The following TTLL5 variants were observed in gnomAD, a reference collection of about 807,000 sequenced individuals.
TTLL5 encodes tubulin polyglutamylase TTLL5.
In TTLL5, 132 loss-of-function variants were observed where a neutral mutation model predicts 168.4. The observed-to-expected ratio is 0.78, with a 90% CI of 0.68 to 0.91. TTLL5 has a LOEUF of 0.91. Ranked by LOEUF, TTLL5 falls within the 40% of genes least tolerant of loss-of-function variation. The pLI is 0.00. For synonymous variants in TTLL5, 546 were observed against 558.6 expected (o/e 0.98, Z 0.32); for missense variants, 1,545 against 1,581.5 (o/e 0.98, Z 0.39).
intron 31 of TTLL5, among the ~76,000 whole-genome samples, chr14:75,945,418 G>T (rs146600377): frequency 6.6e-6 from 1 of 151,236 alleles, no homozygotes; most frequent in African/African-American, 2.4e-5. Flanking sequence ...CACCATGCTC[G>T]GCTGATTTTT....
intron 15 of TTLL5, chr14:75,737,592 G>C (rs368307827): frequency 6.5e-7 from 1 of 1,535,590 alleles, no homozygotes; most frequent in Admixed American, 2.0e-5. Flanking sequence ...AGTTTCAGTC[G>C]TCAAAGGCCA....
At chr14:75,781,909 C>T (rs986554707) in intron 24 of TTLL5, among the ~76,000 whole-genome samples, 2 of 143,344 alleles carry the variant, frequency 1.4e-5, no homozygotes, top group African/African-American at 2.6e-5. Context: ...GAGCCAAGAT[C>T]GCGCAATTGC....
At chr14:75,856,225 T>C (rs1011655315) in intron 28 of TTLL5, among the ~76,000 whole-genome samples, 2 of 152,120 alleles carry the variant, frequency 1.3e-5, no homozygotes, top group African/African-American at 4.8e-5. Flanking sequence ...TAGCCGAGTG[T>C]GGTGGCACAT....
At chr14:75,754,634 A>T (rs1890137273) in intron 18 of TTLL5, among the ~76,000 whole-genome samples, 2 of 152,222 alleles carry the variant, frequency 1.3e-5, no homozygotes. Flanking sequence ...AGGTATAATA[A>T]TATGTGTGCC....
chr14:75,735,431 A>G (rs1888824024), intron 15 of TTLL5, 142 bp downstream of exon 15: 1 of 726,610 alleles, frequency 1.4e-6, no homozygotes, highest in African/African-American at 1.7e-5. Context: ...GGAGGCAGTT[A>G]TATTCAGCTG....
At chr14:75,926,084 T>A (rs1323382555) in intron 31 of TTLL5, among the ~76,000 whole-genome samples, 3 of 115,186 alleles carry the variant, frequency 2.6e-5, no homozygotes, top group African/African-American at 1.1e-4. Context: ...CCGTGGGCCG[T>A]GGGGAGAGGG....
At chr14:75,846,084 G>A (rs573873606) in intron 28 of TTLL5, among the ~76,000 whole-genome samples, 4 of 152,242 alleles carry the variant, frequency 2.6e-5, no homozygotes, top group African/African-American at 7.2e-5. Flanking sequence ...ATTCCATAGA[G>A]AAGCTTTGAG....
chr14:75,863,864 T>A lies in TTLL5; in HGVS notation c.3522+2T>A, dbSNP rs2030239929. Reference sequence around the variant, plus strand: ...GACCAGAGTCGAGCCCGGCACCAGGTAATTCAAGATAAGTCTTTTCCATGT... The same window carrying A: ...GACCAGAGTCGAGCCCGGCACCAGGAAATTCAAGATAAGTCTTTTCCATGT... On this transcript the variant is annotated splice_donor_variant, in intron 29 of 31. Transcript: ENST00000298832. LOFTEE classifies it high-confidence loss of function. 9 of 1,460,640 alleles carry A rather than the reference T, an allele frequency of 6.2e-6. No homozygotes were observed. The highest frequency in any genetic ancestry group is 7.3e-6 in the Non-Finnish European group (8 of 1,089,864). The allele number at this position is 1,460,640 out of a possible 1,614,324, so 90.5% of individuals were successfully genotyped here.
At chr14:75,702,495 A>G (rs1052602647) in intron 7 of TTLL5, among the ~76,000 whole-genome samples, 1 of 152,230 alleles carries the variant, frequency 6.6e-6, no homozygotes, top group Admixed American at 6.5e-5. Context: ...AATAGGATCT[A>G]TTCCCAGCTC....
chr14:75,762,043 A>G (rs1174119670), intron 18 of TTLL5, among the ~76,000 whole-genome samples: 1 of 152,162 alleles, frequency 6.6e-6, no homozygotes, highest in Non-Finnish European at 1.5e-5. Context: ...CTAGGTGGTA[A>G]GTAGGTATAT....
At position 75,792,993 on chromosome 14, in the gene TTLL5, A is replaced by G. The variant is rs772221768; in HGVS notation, c.3064A>G (p.Lys1022Glu). 1.9e-6 allele frequency: 3 copies of G among 1,613,896 alleles called. No individual in the cohort carries two copies. The Admixed American group carries it at 5.0e-5, about 27-fold the overall frequency. The change falls in exon 27 of 32, where the codon AAA (lysine) becomes GAA (glutamate). Residue 1022 changes from lysine (K) to glutamate (E), a missense_variant. Physicochemically the swap from Lys to Glu is moderately conservative, Grantham distance 56. Coordinates refer to ENST00000298832, the MANE Select transcript of TTLL5 (RefSeq NM_015072.5). ...KEGEDASLYS[K>E]RYNQSMVTAE... ...GGGAGAAGATGCTTCTTTATATAGCAAACGGTACAACCAAAGTATGGTTAC... is the reference window on the plus strand; with the variant it reads ...GGGAGAAGATGCTTCTTTATATAGCGAACGGTACAACCAAAGTATGGTTAC...
At position 75,752,890 on chromosome 14, in the gene TTLL5, C is replaced by T. The variant is rs1890035496; in HGVS notation, c.1488-3C>T. The T allele has an allele frequency of 1.2e-6, 2 of 1,612,784 alleles. No homozygotes were observed. Among genetic ancestry groups the T allele is most frequent in the South Asian group, 1.1e-5 (1 of 90,910 alleles). Reference sequence around the variant, plus strand: ...ATAACCAGTTTCTTTCTTTGCTTTTCAGGTCCTACCTCGAGCATAAGACCT... The same window carrying T: ...ATAACCAGTTTCTTTCTTTGCTTTTTAGGTCCTACCTCGAGCATAAGACCT... On this transcript the variant is annotated splice_region_variant and splice_polypyrimidine_tract_variant and intron_variant, in intron 17 of 31. Transcript: ENST00000298832.
At chr14:75,699,684 T>G (rs1886119076) in intron 7 of TTLL5, among the ~76,000 whole-genome samples, 1 of 152,232 alleles carries the variant, frequency 6.6e-6, no homozygotes, top group East Asian at 1.9e-4. Flanking sequence ...TGGTATGGTA[T>G]CCTCGCTACT....
chr14:75,798,835 T>A (rs1335014095), intron 27 of TTLL5, among the ~76,000 whole-genome samples: 4 of 152,184 alleles, frequency 2.6e-5, no homozygotes, highest in African/African-American at 9.6e-5. Context: ...GAATACTTGA[T>A]ATAATTTTGA....
At chr14:75,823,020 C>T (rs995852066) in intron 28 of TTLL5, among the ~76,000 whole-genome samples, 16 of 152,106 alleles carry the variant, frequency 1.1e-4, no homozygotes, top group African/African-American at 3.4e-4. Flanking sequence ...GGCCATTCTC[C>T]GGAAGAGAAA....
intron 31 of TTLL5, among the ~76,000 whole-genome samples, chr14:75,914,666 C>A (rs1376195805): frequency 6.8e-6 from 1 of 147,116 alleles, no homozygotes; most frequent in Non-Finnish European, 1.5e-5. Flanking sequence ...CTCTGTCGCC[C>A]AGGCTGGAAT....
intron 3 of TTLL5, among the ~76,000 whole-genome samples, chr14:75,674,724 T>G (rs1884008109): frequency 6.6e-6 from 1 of 152,152 alleles, no homozygotes; most frequent in African/African-American, 2.4e-5. Flanking sequence ...CTGAATGTGT[T>G]TATTTAGTAA....
At chr14:75,690,976 C>T (rs1885417841) in intron 6 of TTLL5, among the ~76,000 whole-genome samples, 1 of 152,126 alleles carries the variant, frequency 6.6e-6, no homozygotes, top group Non-Finnish European at 1.5e-5. Flanking sequence ...TTTCGGTATC[C>T]CTTTTTCGCT....
At chr14:75,697,004 T>C (rs1885921028) in intron 6 of TTLL5, among the ~76,000 whole-genome samples, 1 of 152,180 alleles carries the variant, frequency 6.6e-6, no homozygotes, top group Non-Finnish European at 1.5e-5. Context: ...TTTTTGTGTG[T>C]CCCACAAGCT....
Sources: allele counts gnomAD v4.1 joint callset (sites outside exome capture counted in the v4.1 genomes callset), GRCh38; gene constraint gnomAD v4.1.1; transcripts MANE v1.5; gene names NCBI Gene and HGNC (gene_info 2026-07-23, HGNC 2026-07-21).